ANO2: variants seen among roughly 807,000 people sequenced by gnomAD.
ANO2 encodes anoctamin 2.
In ANO2, 101 loss-of-function variants were observed where a neutral mutation model predicts 124.2. The observed-to-expected ratio is 0.81, with a 90% CI of 0.69 to 0.96. ANO2 has a LOEUF of 0.96. Ranked by LOEUF, ANO2 falls within the 40% of genes least tolerant of loss-of-function variation. The pLI, the probability that ANO2 is intolerant of heterozygous loss-of-function variation, is 0.00. For synonymous variants in ANO2, 486 were observed against 482.5 expected, an observed-to-expected ratio of 1.01 and a Z score of -0.09; for missense variants, 1,293 against 1,274.5, an observed-to-expected ratio of 1.01 and a Z score of -0.22.
At chr12:5,903,676 T>TGTGGGG (rs766669740) in intron 3 of ANO2, among the ~76,000 whole-genome samples, 42 of 149,764 alleles carry the variant, frequency 2.8e-4, no homozygotes, top group African/African-American at 1.0e-3. Flanking sequence ...TGTGTGTGTG[T>TGTGGGG]GGGTGTAGAC....
intron 4 of ANO2, among the ~76,000 whole-genome samples, chr12:5,841,103 C>G (rs773990927): frequency 1.8e-4 from 28 of 152,222 alleles, no homozygotes; most frequent in Non-Finnish European, 3.8e-4. Context: ...GAGAGGCACA[C>G]AGGCACACGC....
Position 5,869,222 on chromosome 12 carries a change from C to T in ANO2, c.535-15081G>A, listed in dbSNP as rs1410017219. On this transcript the variant is annotated intron_variant, in intron 3 of 24. Transcript: ENST00000682330. ...TCCATCCTCCACTCCAGCACCAGTCCGAGTAGCACCTCCTCCAAGAAGCCT... is the reference window on the plus strand; with the variant it reads ...TCCATCCTCCACTCCAGCACCAGTCTGAGTAGCACCTCCTCCAAGAAGCCT... 3.3e-5 allele frequency among the ~76,000 whole-genome samples: 5 copies of T among 152,268 alleles called. No homozygotes were observed. In the South Asian group the frequency reaches 6.2e-4, roughly 19 times the overall value.
At chr12:5,705,181 G>C (rs917362493) in intron 14 of ANO2, among the ~76,000 whole-genome samples, 1 of 152,120 alleles carries the variant, frequency 6.6e-6, no homozygotes, top group African/African-American at 2.4e-5. Flanking sequence ...TCTTTTAGGG[G>C]GTTTATGCTG....
chr12:5,585,122 T>A (rs1285245034), intron 20 of ANO2, among the ~76,000 whole-genome samples: 2 of 151,962 alleles, frequency 1.3e-5, no homozygotes, highest in East Asian at 3.9e-4. Flanking sequence ...AGCAGACCCA[T>A]GGAGGCTTTG....
chr12:5,839,824 G>A (rs1954455602), intron 4 of ANO2, among the ~76,000 whole-genome samples: 1 of 152,170 alleles, frequency 6.6e-6, no homozygotes, highest in South Asian at 2.1e-4. Flanking sequence ...CAGAGGGGCT[G>A]GGAATGGCCA....
chr12:5,567,713 A>G (rs1335109518), intron 23 of ANO2, among the ~76,000 whole-genome samples: 1 of 152,216 alleles, frequency 6.6e-6, no homozygotes, highest in South Asian at 2.1e-4. Context: ...CACCTCTGCT[A>G]TTAACTCACC....
chr12:5,863,400 G>A (rs904251193), intron 3 of ANO2, among the ~76,000 whole-genome samples: 18 of 152,324 alleles, frequency 1.2e-4, no homozygotes, highest in Middle Eastern at 3.4e-3. Flanking sequence ...GATAGGCCCC[G>A]GGAAGGCCAT....
chr12:5,720,391 A>G (rs1232446122), intron 14 of ANO2, among the ~76,000 whole-genome samples: 1 of 152,192 alleles, frequency 6.6e-6, no homozygotes, highest in Non-Finnish European at 1.5e-5. Flanking sequence ...GAGCAAGGGA[A>G]CCTGGAGGGC....
intron 4 of ANO2, among the ~76,000 whole-genome samples, chr12:5,844,290 A>G (rs1480264462): frequency 1.3e-5 from 2 of 152,232 alleles, no homozygotes; most frequent in African/African-American, 4.8e-5. Context: ...AGAGCAGTCC[A>G]GCATGGGTAA....
intron 14 of ANO2, among the ~76,000 whole-genome samples, chr12:5,685,273 G>A (rs1948657420): frequency 2.6e-5 from 4 of 152,188 alleles, no homozygotes; most frequent in South Asian, 4.1e-4. Context: ...TCAGAGGACT[G>A]GGGAAGAGTG....
In ANO2 at chr12:5,563,015, T is replaced by C; in HGVS notation, c.*284A>G. The stretch of plus-strand genomic sequence containing the variant: ...GGAATGCTCGCGGTGCCTGAGACTC[T>C]GGGGTGGAGAGACCCCAGTGGGGTT... On this transcript the variant is annotated 3_prime_UTR_variant, in exon 25 of 25. Transcript: ENST00000682330. The C allele has an allele frequency of 2.3e-6, 1 of 441,384 alleles. No homozygotes were observed. Among genetic ancestry groups the C allele is most frequent in the Non-Finnish European group, 4.1e-6 (1 of 244,544 alleles). The allele number at this position is 441,384 out of a possible 1,614,324, so 27.3% of individuals were successfully genotyped here.
At chr12:5,571,318 T>C (rs1227710044) in intron 23 of ANO2, among the ~76,000 whole-genome samples, 1 of 152,194 alleles carries the variant, frequency 6.6e-6, no homozygotes, top group East Asian at 1.9e-4. Context: ...CACGGGACTG[T>C]TTACGGAGCA....
intron 14 of ANO2, among the ~76,000 whole-genome samples, chr12:5,725,095 TCTCACA>T (rs1197707962): frequency 2.0e-4 from 9 of 46,032 alleles, no homozygotes; most frequent in African/African-American, 5.7e-4. Flanking sequence ...CTTGTCTCCC[TCTCACA>T]CACACACACA....
At chr12:5,665,115 C>T (rs1250616990) in intron 14 of ANO2, among the ~76,000 whole-genome samples, 5 of 152,188 alleles carry the variant, frequency 3.3e-5, no homozygotes, top group Non-Finnish European at 1.5e-5. Flanking sequence ...ACATGCCCTT[C>T]AGCTCCGTTT....
chr12:5,883,574 G>A (rs889450095), intron 3 of ANO2, among the ~76,000 whole-genome samples: 6 of 150,124 alleles, frequency 4.0e-5, no homozygotes, highest in East Asian at 2.0e-4. Context: ...GTCTCTGGAC[G>A]TTCTGCATGA....
At chr12:5,919,330 G>A (rs1941560949) in intron 3 of ANO2, among the ~76,000 whole-genome samples, 1 of 151,844 alleles carries the variant, frequency 6.6e-6, no homozygotes, top group Non-Finnish European at 1.5e-5. Context: ...TGAGGTCAAG[G>A]TGCCCAAAGC....
intron 14 of ANO2, among the ~76,000 whole-genome samples, chr12:5,706,908 T>C (rs2137034579): frequency 6.6e-6 from 1 of 152,342 alleles, no homozygotes; most frequent in Admixed American, 6.5e-5. Context: ...CCAATGCTCA[T>C]GCTTCTCACT....
intron 10 of ANO2, among the ~76,000 whole-genome samples, chr12:5,763,893 G>T (rs1250800381): frequency 6.6e-6 from 1 of 152,066 alleles, no homozygotes; most frequent in East Asian, 1.9e-4. Context: ...TTGTTTGAAA[G>T]GATCAGTAAA....
chr12:5,643,965 CT>C (rs1946510913), intron 15 of ANO2, among the ~76,000 whole-genome samples: 1 of 152,150 alleles, frequency 6.6e-6, no homozygotes, highest in South Asian at 2.1e-4. Context: ...TTATCCCATT[CT>C]GATAATTTGT....
Sources: gnomAD v4.1 joint callset for allele counts (sites outside exome capture counted in the v4.1 genomes callset) on GRCh38, gnomAD v4.1.1 for gene constraint, MANE v1.5 for transcripts, NCBI Gene and HGNC (gene_info 2026-07-23, HGNC 2026-07-21) for gene names.